KCNIP1: variants seen among roughly 807,000 people sequenced by gnomAD.
The protein encoded by KCNIP1 is A-type potassium channel modulatory protein KCNIP1.
Under a neutral mutation model 33.0 loss-of-function variants are expected in KCNIP1, and 18 were observed. The observed-to-expected ratio is 0.55, with a 90% CI of 0.38 to 0.81. The LOEUF is 0.81. Ranked by LOEUF, KCNIP1 falls within the 30% of genes least tolerant of loss-of-function variation. The pLI is 0.00. For synonymous variants in KCNIP1, 93 were observed against 98.3 expected (o/e 0.95, Z 0.32); for missense variants, 238 against 271.6 (o/e 0.88, Z 0.87).
intron 1 of KCNIP1, among the ~76,000 whole-genome samples, chr5:170,691,275 G>A (rs574871551): frequency 6.6e-6 from 1 of 152,242 alleles, no homozygotes; most frequent in South Asian, 2.1e-4. Context: ...GCTGCCACAG[G>A]CTAAATAAGT....
At chr5:170,604,334 C>A (rs189859082) in intron 1 of KCNIP1, among the ~76,000 whole-genome samples, 1 of 152,298 alleles carries the variant, frequency 6.6e-6, no homozygotes, top group East Asian at 1.9e-4. Flanking sequence ...TGCACTGGAG[C>A]CCTGGCAGCC....
intron 1 of KCNIP1, among the ~76,000 whole-genome samples, chr5:170,455,823 T>G (rs1028718077): frequency 1.3e-5 from 2 of 152,170 alleles, no homozygotes. Context: ...TAGCTCCACA[T>G]ACCTACATTA....
intron 1 of KCNIP1, chr5:170,422,661 A>G (rs1755523348): frequency 1.3e-5 from 2 of 152,240 alleles, no homozygotes. Context: ...CTTTGACATA[A>G]TACAGAATAA....
chr5:170,671,097 G>A (rs1761905069), intron 1 of KCNIP1, among the ~76,000 whole-genome samples: 1 of 151,968 alleles, frequency 6.6e-6, no homozygotes, highest in Non-Finnish European at 1.5e-5. Context: ...TGTGTACCTT[G>A]TCCCCCATTC....
intron 1 of KCNIP1, among the ~76,000 whole-genome samples, chr5:170,665,629 G>A (rs147888200): frequency 1.3e-5 from 2 of 152,272 alleles, no homozygotes; most frequent in African/African-American, 4.8e-5. Context: ...ATTATTATTT[G>A]CTCAAGTCCA....
At chr5:170,618,038 G>A (rs1248000085) in intron 1 of KCNIP1, among the ~76,000 whole-genome samples, 1 of 152,202 alleles carries the variant, frequency 6.6e-6, no homozygotes, top group East Asian at 1.9e-4. Context: ...ATCCCCAGGG[G>A]AGAAAGGAAA....
intron 1 of KCNIP1, among the ~76,000 whole-genome samples, chr5:170,438,028 C>T (rs898258919): frequency 6.6e-6 from 1 of 152,226 alleles, no homozygotes; most frequent in Non-Finnish European, 1.5e-5. Context: ...TTCCTGGCAC[C>T]AGCCTCAGTA....
chr5:170,529,769 C>T (rs936795055), intron 1 of KCNIP1, among the ~76,000 whole-genome samples: 1 of 152,252 alleles, frequency 6.6e-6, no homozygotes. Context: ...AACAGTGTTG[C>T]CCAGAGTTAG....
chr5:170,439,580 C>A (rs914943277), intron 1 of KCNIP1, among the ~76,000 whole-genome samples: 2 of 152,192 alleles, frequency 1.3e-5, no homozygotes, highest in African/African-American at 4.8e-5. Context: ...AAGGCGGAAT[C>A]CAGCCTGACC....
intron 1 of KCNIP1, among the ~76,000 whole-genome samples, chr5:170,670,392 G>T (rs904329567): frequency 2.0e-5 from 3 of 152,282 alleles, no homozygotes; most frequent in Non-Finnish European, 4.4e-5. Flanking sequence ...ACCCTTCCAA[G>T]GACTTAGAAG....
chr5:170,607,938 TG>T (rs946918849), intron 1 of KCNIP1, among the ~76,000 whole-genome samples: 1 of 152,216 alleles, frequency 6.6e-6, no homozygotes. Context: ...AGAATGAATT[TG>T]GGGGGCTGTA....
At chr5:170,545,804 G>C (rs1414946729) in intron 1 of KCNIP1, among the ~76,000 whole-genome samples, 1 of 152,102 alleles carries the variant, frequency 6.6e-6, no homozygotes, top group Non-Finnish European at 1.5e-5. Flanking sequence ...AGTCCTGTCT[G>C]ATGAATACAA....
At chr5:170,447,949 C>T in intron 1 of KCNIP1, among the ~76,000 whole-genome samples, 1 of 151,734 alleles carries the variant, frequency 6.6e-6, no homozygotes. Context: ...TGACTCCTAC[C>T]CAGTCATCCA....
At chr5:170,451,238 C>T (rs572403569) in intron 1 of KCNIP1, among the ~76,000 whole-genome samples, 1 of 152,246 alleles carries the variant, frequency 6.6e-6, no homozygotes, top group South Asian at 2.1e-4. Flanking sequence ...AGACATCCCG[C>T]TTTTTTGGGC....
Position 170,735,863 on chromosome 5 carries a change from C to T in KCNIP1, c.*57C>T. ...ACATTGTACTAAACAACCACCTTAA[C>T]ACCCTGATCTGCCCTTGTTCTGATT... On this transcript the variant is annotated 3_prime_UTR_variant, in exon 8 of 8. Coordinates refer to ENST00000328939, the MANE Select transcript of KCNIP1 (RefSeq NM_014592.4). 1 of 1,422,378 alleles carries T rather than the reference C, an allele frequency of 7.0e-7. No homozygotes were observed. The highest frequency in any genetic ancestry group is 9.9e-7 in the Non-Finnish European group (1 of 1,006,608). 88.1% of individuals were successfully genotyped at this position (1,422,378 alleles called of 1,614,324 possible).
At chr5:170,620,726 C>T (rs975280869) in intron 1 of KCNIP1, among the ~76,000 whole-genome samples, 22 of 152,286 alleles carry the variant, frequency 1.4e-4, no homozygotes, top group Middle Eastern at 6.8e-3. Context: ...GGTATTCAAC[C>T]CTCCTAAACT....
chr5:170,561,269 G>A (rs998443757), intron 1 of KCNIP1, among the ~76,000 whole-genome samples: 2 of 152,178 alleles, frequency 1.3e-5, no homozygotes, highest in Non-Finnish European at 2.9e-5. Flanking sequence ...AGATGAGACC[G>A]CCCTCCTCCC....
chr5:170,718,936 A>G, intron 2 of KCNIP1, 54 bp downstream of exon 2: 2 of 1,577,116 alleles, frequency 1.3e-6, no homozygotes, highest in South Asian at 2.3e-5. Flanking sequence ...GTGAGGCTAC[A>G]CTCTCCCCAA....
At chr5:170,613,268 C>T (rs1759244595) in intron 1 of KCNIP1, among the ~76,000 whole-genome samples, 1 of 152,198 alleles carries the variant, frequency 6.6e-6, no homozygotes, top group African/African-American at 2.4e-5. Flanking sequence ...ATCGCTCCAT[C>T]CATTGAGCCT....
Sources: gnomAD v4.1 joint callset for allele counts (sites outside exome capture counted in the v4.1 genomes callset) on GRCh38, gnomAD v4.1.1 for gene constraint, MANE v1.5 for transcripts, NCBI Gene and HGNC (gene_info 2026-07-23, HGNC 2026-07-21) for gene names.